The following RNF213 variants were observed in gnomAD, a reference collection of about 807,000 sequenced individuals.
The protein encoded by RNF213 is E3 ubiquitin-protein ligase RNF213.
In RNF213, 341 loss-of-function variants were observed where a neutral mutation model predicts 514.4. The ratio of observed to expected loss-of-function variants is 0.66; its 90% CI spans 0.61 to 0.73. The LOEUF (loss-of-function observed/expected upper bound fraction) is 0.73, where lower values mean the gene tolerates loss of function less well. Among genes scored for constraint, RNF213 ranks in the 30% least tolerant of loss-of-function variants. RNF213 has a pLI of 0.00. For missense variants in RNF213, 5,767 were observed against 6,615.6 expected, an observed-to-expected ratio of 0.87 and a Z score of 4.45; for synonymous variants, 2,655 against 2,658.2, an observed-to-expected ratio of 1.00 and a Z score of 0.04.
intron 63 of RNF213, among the ~76,000 whole-genome samples, chr17:80,388,008 G>A (rs2080309587): frequency 6.8e-6 from 1 of 146,854 alleles, no homozygotes; most frequent in Non-Finnish European, 1.5e-5. Context: ...CACCCAGGCT[G>A]GATTGCAGTG....
At chr17:80,351,330 A>G (rs117490352) in intron 31 of RNF213, among the ~76,000 whole-genome samples, 1 of 152,342 alleles carries the variant, frequency 6.6e-6, no homozygotes, top group Non-Finnish European at 1.5e-5. Flanking sequence ...AAGAGAAAAG[A>G]AGGAATGGAA....
At chr17:80,313,830 G>T (rs1170454441) in intron 15 of RNF213, among the ~76,000 whole-genome samples, 99 of 55,276 alleles carry the variant, frequency 1.8e-3, no homozygotes, top group African/African-American at 8.1e-3. Flanking sequence ...GGTGGTGGTG[G>T]AGGTGATGGT....
At chr17:80,387,956 T>G (rs1407654448) in intron 63 of RNF213, among the ~76,000 whole-genome samples, 4 of 145,328 alleles carry the variant, frequency 2.8e-5, no homozygotes, top group Admixed American at 6.8e-5. Flanking sequence ...CCCATGGATT[T>G]TTTTTTTTTT....
intron 29 of RNF213, 105 bp from the exon 30 acceptor site, chr17:80,349,665 A>G (rs2078433654): frequency 8.0e-7 from 1 of 1,252,748 alleles, no homozygotes. Flanking sequence ...TGGCAACTGC[A>G]CCGCGCTGAA....
intron 44 of RNF213, 148 bp downstream of exon 44, chr17:80,368,291 C>A (rs947265814): frequency 3.7e-6 from 3 of 815,580 alleles, no homozygotes; most frequent in African/African-American, 1.7e-5. Flanking sequence ...CACTTACGTA[C>A]TTTCATAAAT....
chr17:80,289,128 G>A (rs925169217), intron 5 of RNF213, among the ~76,000 whole-genome samples: 6 of 152,210 alleles, frequency 3.9e-5, no homozygotes, highest in Non-Finnish European at 7.3e-5. Flanking sequence ...GAGCGGCAGG[G>A]ACGCCAGTGC....
intron 37 of RNF213, among the ~76,000 whole-genome samples, chr17:80,359,400 T>G (rs2078957223): frequency 6.6e-6 from 1 of 151,274 alleles, no homozygotes; most frequent in Non-Finnish European, 1.5e-5. Flanking sequence ...GGTGCGCACC[T>G]GTAGTCCCAG....
At chr17:80,303,346 A>G (rs2143525400) in intron 11 of RNF213, among the ~76,000 whole-genome samples, 1 of 152,244 alleles carries the variant, frequency 6.6e-6, no homozygotes, top group Non-Finnish European at 1.5e-5. Flanking sequence ...TGACCATCCA[A>G]TTGGGAAAGG....
rs1474224899 is a variant in RNF213 at position 80,332,137 on chromosome 17, G to C, written c.3649G>C (p.Val1217Leu). Residue 1217 changes from valine (V) to leucine (L), a missense_variant, in exon 21 of 68, where the codon GTC becomes CTC. Around this residue, in one of 13 missense-constraint regions of RNF213, gnomAD observed 516 missense variants for 566.5 expected, o/e 0.91. Coordinates refer to ENST00000582970, the MANE Select transcript of RNF213 (RefSeq NM_001256071.3). Reference sequence around the variant, plus strand: ...AACGCATTACCACCTGAGCTCCCAGGTCCAAGAAATGGCTGGGAAGATAGA... The same window carrying C: ...AACGCATTACCACCTGAGCTCCCAGCTCCAAGAAATGGCTGGGAAGATAGA... ...RATHYHLSSQ[V>L]QEMAGKIDLL... is the part of the protein sequence containing the mutation. 6.5e-7 allele frequency: 1 copy of C among 1,537,080 alleles called. No homozygotes were observed. The highest frequency in any genetic ancestry group is 8.7e-7 in the Non-Finnish European group (1 of 1,146,920).
At chr17:80,329,578 C>T (rs950826840) in intron 20 of RNF213, among the ~76,000 whole-genome samples, 1 of 152,144 alleles carries the variant, frequency 6.6e-6, no homozygotes, top group Non-Finnish European at 1.5e-5. Context: ...CCTGTAATCC[C>T]AGCACTTCAG....
rs2044687479 is a variant in RNF213 at position 80,290,632 on chromosome 17, C to T, written c.1175C>T (p.Pro392Leu). 3.1e-6 allele frequency: 5 copies of T among 1,614,028 alleles called. No individual in the cohort carries two copies. Among genetic ancestry groups the T allele is most frequent in the Non-Finnish European group, 2.5e-6 (3 of 1,180,036 alleles). Residue 392 changes from proline to leucine, a missense_variant, in exon 7 of 68, where the codon CCA becomes CTA. Physicochemically the swap from Pro to Leu is moderately conservative, Grantham distance 98. Transcript: ENST00000582970. Reference protein sequence around the residue: ...FFHAIISLHFPFNPDLHKVFI... With the variant: ...FFHAIISLHFLFNPDLHKVFI... The stretch of plus-strand genomic sequence containing the variant: ...CACGCCATCATCTCTCTTCATTTCC[C>T]ATTCAATCCTGACCTCCATAAAGTC...
At chr17:80,331,369 C>G in intron 20 of RNF213, among the ~76,000 whole-genome samples, 1 of 151,254 alleles carries the variant, frequency 6.6e-6, no homozygotes, top group South Asian at 2.1e-4. Context: ...CATTCCTCCT[C>G]CTGTCCTTGT....
rs544868042 is a variant in RNF213, at chr17:80,269,444, C to T, written c.98-3797C>T. Among the ~76,000 whole-genome samples, 254 of 147,516 alleles carry T rather than the reference C, an allele frequency of 1.7e-3. 2 individuals carry two copies. Among genetic ancestry groups the T allele is most frequent in the African/African-American group, 6.3e-3 (247 of 39,374 alleles). ...CCATCCATTCATCTATTCTATCTAT[C>T]CATCCATCTATTCATCCATCCATTC... On this transcript the variant is annotated intron_variant, in intron 2 of 67. Coordinates refer to ENST00000582970, the MANE Select transcript of RNF213 (RefSeq NM_001256071.3).
intron 18 of RNF213, among the ~76,000 whole-genome samples, chr17:80,325,937 G>T (rs2046268653): frequency 6.8e-6 from 1 of 147,338 alleles, no homozygotes; most frequent in South Asian, 2.2e-4. Flanking sequence ...TGTGTTATTT[G>T]TATTTATTTA....
intron 3 of RNF213, among the ~76,000 whole-genome samples, chr17:80,286,505 A>G (rs561763712): frequency 1.3e-5 from 2 of 152,100 alleles, no homozygotes; most frequent in African/African-American, 2.4e-5. Flanking sequence ...GTGGGAACGC[A>G]GCCTCCTCCT....
rs777122371 is a variant in RNF213 at position 80,372,705 on chromosome 17, A to C, written c.12722A>C (p.Asp4241Ala). The C allele has an allele frequency of 6.2e-7, 1 of 1,613,620 alleles. No individual in the cohort carries two copies. Among genetic ancestry groups the C allele is most frequent in the Admixed American group, 1.7e-5 (1 of 59,996 alleles). ...CGCCTCTGCCTCGACAGAGCTGCAG[A>C]TTTCCTCTCGGAGCCTGAGGGAGGC... is the stretch of plus-strand genomic sequence containing the variant. The part of the protein sequence containing the change: ...RIRLCLDRAA[D>A]FLSEPEGGPE... Residue 4241 changes from aspartate to alanine, a missense_variant, in exon 48 of 68, where the codon GAT becomes GCT. By Grantham distance (126) the Asp-to-Ala change is moderately radical (BLOSUM62 -2). Around this residue, in one of 13 missense-constraint regions of RNF213, gnomAD observed 1,245 missense variants for 1,339.0 expected, o/e 0.93. Coordinates refer to ENST00000582970, the MANE Select transcript of RNF213 (RefSeq NM_001256071.3).
rs764012514 is a variant in RNF213, at chr17:80,345,098, A to G, written c.6763A>G (p.Met2255Val). The change falls in exon 29 of 68, where the codon ATG becomes GTG. Residue 2255 changes from methionine (M) to valine (V), a missense_variant. Coordinates refer to ENST00000582970, the MANE Select transcript of RNF213 (RefSeq NM_001256071.3). The surrounding 1 kb of genome is among the most constrained non-coding windows in gnomAD (Gnocchi z 6.0). ...CTTCAAGAAGTTCGTGGTGACCTTCATGATCTTTATGGCAAGAGATTTTGC... is the reference window on the plus strand; with the variant it reads ...CTTCAAGAAGTTCGTGGTGACCTTCGTGATCTTTATGGCAAGAGATTTTGC... The part of the protein sequence containing the change: ...RGFKKFVVTF[M>V]IFMARDFATP... 2 of 1,614,148 alleles carry G rather than the reference A, an allele frequency of 1.2e-6. No homozygotes were observed. The highest frequency in any genetic ancestry group is 1.3e-5 in the African/African-American group (1 of 75,032).
intron 41 of RNF213, 26 bp from the exon 42 acceptor site, chr17:80,364,407 G>A (rs1243254386): frequency 1.2e-6 from 2 of 1,613,808 alleles, no homozygotes. Context: ...CCGAGTGAGT[G>A]AGTGAGTGGC....
At chr17:80,374,163 G>C (rs540925952) in intron 49 of RNF213, among the ~76,000 whole-genome samples, 2 of 152,322 alleles carry the variant, frequency 1.3e-5, no homozygotes, top group South Asian at 4.1e-4. Context: ...GACATGACTT[G>C]AGCCACCCGG....
Sources: allele counts gnomAD v4.1 joint callset (sites outside exome capture counted in the v4.1 genomes callset), GRCh38; gene constraint gnomAD v4.1.1; regional missense constraint gnomAD v4.1.1; non-coding constraint Gnocchi (gnomAD v3.1); transcripts MANE v1.5; gene names NCBI Gene and HGNC (gene_info 2026-07-23, HGNC 2026-07-21).